The following USP34 variants were observed in gnomAD, a reference collection of about 807,000 sequenced individuals.
USP34 encodes the protein ubiquitin carboxyl-terminal hydrolase 34.
Under a neutral mutation model 460.3 loss-of-function variants are expected in USP34, and 70 were observed. The observed-to-expected ratio is 0.15, with a 90% CI of 0.13 to 0.19. The LOEUF (loss-of-function observed/expected upper bound fraction) is 0.19. Ranked by LOEUF, USP34 falls within the 10% of genes least tolerant of loss-of-function variation. The pLI, the probability that USP34 is intolerant of heterozygous loss-of-function variation, is 1.00. For missense variants in USP34, 3,985 were observed against 4,236.2 expected (o/e 0.94, Z 1.65); for synonymous variants, 1,647 against 1,405.3 (o/e 1.17, Z -3.85).
intron 1 of USP34, among the ~76,000 whole-genome samples, chr2:61,465,885 G>C (rs1288171765): frequency 3.3e-5 from 5 of 152,056 alleles, no homozygotes; most frequent in African/African-American, 1.2e-4. Flanking sequence ...GCTGAGTCAG[G>C]AGAATGGCGT....
chr2:61,190,749 TGTATGATGGA>T lies in USP34; in HGVS notation c.9589-101_9589-92del, dbSNP rs1436357800. On this transcript the variant is annotated intron_variant, in intron 76 of 79. Transcript: ENST00000398571. ...CTTACACAGAAAAAACATACACTTG[TGTATGATGGA>T]ATCTGAAGCCACTGAAAATCCTACT... The T allele has an allele frequency of 2.1e-6, 3 of 1,450,262 alleles. No homozygotes were observed. The African/African-American group carries it at 4.3e-5, about 21-fold the overall frequency. The allele number at this position is 1,450,262 out of a possible 1,614,324, so 89.8% of individuals were successfully genotyped here. A position where few individuals can be genotyped will look rare whatever the true frequency, so the allele number is the denominator to read the frequency against.
At chr2:61,418,227 A>T (rs1390123076) in intron 2 of USP34, among the ~76,000 whole-genome samples, 1 of 151,552 alleles carries the variant, frequency 6.6e-6, no homozygotes, top group Non-Finnish European at 1.5e-5. Flanking sequence ...TTACTGGTAC[A>T]CACCACCACG....
intron 2 of USP34, among the ~76,000 whole-genome samples, chr2:61,412,061 T>A (rs1694055305): frequency 6.6e-6 from 1 of 151,556 alleles, no homozygotes; most frequent in African/African-American, 2.4e-5. Flanking sequence ...TGGTGGCACA[T>A]GCCTATAATC....
Position 61,405,760 on chromosome 2 carries a change from A to G in USP34, c.500T>C (p.Ile167Thr), listed in dbSNP as rs749811318. Residue 167 changes from isoleucine to threonine, a missense_variant, in exon 3 of 80, where the codon ATT (isoleucine) becomes ACT (threonine). Transcript: ENST00000398571. ...GTAAGCAGTATATAAGGGAAACTGA[A>G]TTTGAAAAATTTTTGCCACACATAG... ...LLLCVAKIFQ[I>T]QFPLYTAYKH... 49 of 1,600,538 alleles carry G rather than the reference A, an allele frequency of 3.1e-5. No individual in the cohort carries two copies. Among genetic ancestry groups the G allele is most frequent in the Non-Finnish European group, 3.7e-5 (44 of 1,175,850 alleles).
chr2:61,449,145 G>A (rs1170726821), intron 1 of USP34, among the ~76,000 whole-genome samples: 1 of 116,646 alleles, frequency 8.6e-6, no homozygotes, highest in Non-Finnish European at 1.9e-5. Context: ...CAACAGGAAG[G>A]AGGGAATGGA....
At chr2:61,320,459 T>C (rs1281096395) in intron 21 of USP34, among the ~76,000 whole-genome samples, 1 of 152,068 alleles carries the variant, frequency 6.6e-6, no homozygotes, top group Non-Finnish European at 1.5e-5. Context: ...GGGGAGAATG[T>C]GTAAATTCTG....
chr2:61,451,905 G>C (rs1416310716), intron 1 of USP34, among the ~76,000 whole-genome samples: 1 of 152,164 alleles, frequency 6.6e-6, no homozygotes, highest in Non-Finnish European at 1.5e-5. Flanking sequence ...GCCGGGCGCA[G>C]TGGCTCACGC....
At chr2:61,391,031 G>A (rs1189993101) in intron 5 of USP34, among the ~76,000 whole-genome samples, 2 of 151,952 alleles carry the variant, frequency 1.3e-5, no homozygotes, top group Non-Finnish European at 2.9e-5. Flanking sequence ...GGAGGCGGAG[G>A]CTGAGGTGAG....
chr2:61,399,307 C>T (rs1205371547), intron 3 of USP34, among the ~76,000 whole-genome samples: 1 of 149,706 alleles, frequency 6.7e-6, no homozygotes, highest in Non-Finnish European at 1.5e-5. Flanking sequence ...CATGCCACCG[C>T]ACTCCAGCCT....
intron 3 of USP34, 39 bp downstream of exon 3, chr2:61,405,669 T>C (rs768901011): frequency 2.7e-6 from 4 of 1,480,368 alleles, no homozygotes; most frequent in Non-Finnish European, 3.6e-6. Context: ...AAGTTAAGAC[T>C]TGGTATTACT....
intron 10 of USP34, among the ~76,000 whole-genome samples, chr2:61,365,194 G>GT (rs1692393727): frequency 6.6e-6 from 1 of 150,974 alleles, no homozygotes; most frequent in Non-Finnish European, 1.5e-5. Flanking sequence ...AGAGGTTGCA[G>GT]TAAGCTGAGA....
At chr2:61,362,193 T>C (rs185985025) in intron 10 of USP34, among the ~76,000 whole-genome samples, 2 of 152,270 alleles carry the variant, frequency 1.3e-5, no homozygotes, top group Non-Finnish European at 1.5e-5. Flanking sequence ...TGGGAATCCT[T>C]ATACACTGTT....
chr2:61,370,228 C>A, intron 10 of USP34, 93 bp downstream of exon 10: 1 of 1,322,732 alleles, frequency 7.6e-7, no homozygotes. Context: ...GTCTCCTTAG[C>A]TATAAAACAG....
chr2:61,428,056 T>C (rs1553389116), intron 1 of USP34, among the ~76,000 whole-genome samples: 3 of 151,712 alleles, frequency 2.0e-5, no homozygotes, highest in Non-Finnish European at 4.4e-5. Context: ...TCCCAGCTAC[T>C]TGGGAGGCTG....
chr2:61,276,248 G>T (rs1053764249), intron 41 of USP34, among the ~76,000 whole-genome samples: 1 of 152,124 alleles, frequency 6.6e-6, no homozygotes, highest in Admixed American at 6.6e-5. Context: ...ATAAACTACG[G>T]ATTAAAATCA....
chr2:61,294,384 T>C (rs992012752), intron 32 of USP34, among the ~76,000 whole-genome samples: 2 of 151,962 alleles, frequency 1.3e-5, no homozygotes. Flanking sequence ...CGAAAAAGCC[T>C]ATAAACATCT....
chr2:61,259,860 T>G, intron 43 of USP34, 84 bp from the exon 44 acceptor site: 3 of 1,231,968 alleles, frequency 2.4e-6, no homozygotes, highest in Non-Finnish European at 3.5e-6. Context: ...TCTTGCAATG[T>G]ACACTGTATC....
At chr2:61,201,289 C>T (rs1163959998) in intron 75 of USP34, among the ~76,000 whole-genome samples, 1 of 145,604 alleles carries the variant, frequency 6.9e-6, no homozygotes, top group Non-Finnish European at 1.5e-5. Context: ...GATCTCGGCT[C>T]ACGGCAACCT....
intron 48 of USP34, among the ~76,000 whole-genome samples, chr2:61,251,142 A>G (rs144771936): frequency 1.2e-4 from 19 of 152,214 alleles, no homozygotes; most frequent in Non-Finnish European, 2.5e-4. Flanking sequence ...CATCTCAAAA[A>G]AAATAAATAA....
Sources: gnomAD v4.1 joint callset for allele counts (sites outside exome capture counted in the v4.1 genomes callset) on GRCh38, gnomAD v4.1.1 for gene constraint, MANE v1.5 for transcripts, NCBI Gene and HGNC (gene_info 2026-07-23, HGNC 2026-07-21) for gene names.